Variants in ARL15 observed in about 807,000 individuals in gnomAD.
The protein encoded by ARL15 is ADP-ribosylation factor-like protein 15.
ARL15 carries 19 observed loss-of-function variants against 25.2 expected under a neutral mutation model. The ratio of observed to expected loss-of-function variants is 0.75; its 90% CI spans 0.53 to 1.10. ARL15 has a LOEUF of 1.10. Among genes scored for constraint, ARL15 ranks in the 50% least tolerant of loss-of-function variants. The probability of loss-of-function intolerance (pLI) is 0.00; values close to 1 mark genes in which losing one functional copy is unlikely to be tolerated. For synonymous variants in ARL15, 94 were observed against 86.8 expected, an observed-to-expected ratio of 1.08 and a Z score of -0.46; for missense variants, 220 against 246.0, an observed-to-expected ratio of 0.89 and a Z score of 0.71.
At chr5:54,055,473 G>A (rs944209270) in intron 4 of ARL15, among the ~76,000 whole-genome samples, 1 of 146,212 alleles carries the variant, frequency 6.8e-6, no homozygotes, top group Non-Finnish European at 1.5e-5. Flanking sequence ...CGATTCTCCT[G>A]CCTCAGCCTC....
In ARL15 at chr5:54,255,438, A is replaced by G. The variant is rs534369035; in HGVS notation, c.48+54994T>C. ...AATTAATAATTACTATTAACTTAAT[A>G]AATCCACAAGATACTTTATCTTAGG... On this transcript the variant is annotated intron_variant, in intron 1 of 4. Transcript: ENST00000504924. Among the ~76,000 whole-genome samples the G allele has an allele frequency of 2.6e-5, 4 of 152,360 alleles. No individual in the cohort carries two copies. In the South Asian group the frequency reaches 8.3e-4, roughly 32 times the overall value.
chr5:54,203,219 A>C (rs956303557), intron 1 of ARL15, among the ~76,000 whole-genome samples: 2 of 152,178 alleles, frequency 1.3e-5, no homozygotes, highest in African/African-American at 4.8e-5. Flanking sequence ...TGTAAACCTC[A>C]GAGGACACAA....
intron 4 of ARL15, among the ~76,000 whole-genome samples, chr5:53,915,434 G>C (rs1022854623): frequency 2.0e-5 from 3 of 152,188 alleles, no homozygotes; most frequent in Admixed American, 2.0e-4. Context: ...ACAGAAGAGG[G>C]TGTGAGATTT....
intron 4 of ARL15, among the ~76,000 whole-genome samples, chr5:54,075,073 G>GAAAAATAAAAAAAAAAA (rs1751551781): frequency 1.6e-5 from 1 of 63,926 alleles, no homozygotes; most frequent in Non-Finnish European, 2.8e-5. Flanking sequence ...CAGAATACAG[G>GAAAAATAAAAAAAAAAA]AAAAAAAAAA....
intron 3 of ARL15, among the ~76,000 whole-genome samples, chr5:54,128,753 T>C (rs1753342088): frequency 6.8e-6 from 1 of 147,874 alleles, no homozygotes; most frequent in African/African-American, 2.5e-5. Context: ...TCGCCCAGAC[T>C]GTAGTGCAAT....
At position 54,162,559 on chromosome 5, in the gene ARL15, C is replaced by T. The variant is rs903595456; in HGVS notation, c.194-7920G>A. The stretch of plus-strand genomic sequence containing the variant: ...TAATAACATCCTACCTGAGTTATGA[C>T]GTTTACTTATATATGGACCTCTGCA... On this transcript the variant is annotated intron_variant, in intron 2 of 4. Transcript: ENST00000504924. 4.6e-5 allele frequency among the ~76,000 whole-genome samples: 7 copies of T among 152,118 alleles called. No individual in the cohort carries two copies. In the South Asian group the frequency reaches 6.2e-4, roughly 14 times the overall value.
chr5:54,222,662 A>C (rs1458308786), intron 1 of ARL15, among the ~76,000 whole-genome samples: 5 of 152,138 alleles, frequency 3.3e-5, no homozygotes, highest in Non-Finnish European at 5.9e-5. Context: ...CTTCTTTCCC[A>C]TTCCACTCTC....
At chr5:54,232,801 C>T (rs534822437) in intron 1 of ARL15, among the ~76,000 whole-genome samples, 8 of 152,254 alleles carry the variant, frequency 5.3e-5, no homozygotes, top group South Asian at 2.1e-4. Flanking sequence ...GCCCCTTGTT[C>T]GGCTGACACT....
chr5:54,039,159 C>A (rs181064601), intron 4 of ARL15, among the ~76,000 whole-genome samples: 341 of 152,246 alleles, frequency 2.2e-3, no homozygotes, highest in African/African-American at 7.8e-3. Context: ...CATGCATGTA[C>A]GTAGGCATCC....
intron 4 of ARL15, among the ~76,000 whole-genome samples, chr5:53,964,509 A>G (rs7708629): frequency 0.032 from 4,823 of 152,072 alleles, 280 homozygotes; most frequent in African/African-American, 0.11. Flanking sequence ...ACAGGCGCCC[A>G]CCACCATGCC....
intron 4 of ARL15, among the ~76,000 whole-genome samples, chr5:54,009,313 T>C (rs1041192898): frequency 1.3e-5 from 2 of 152,216 alleles, no homozygotes; most frequent in Non-Finnish European, 2.9e-5. Flanking sequence ...CTCCTTTTCC[T>C]CCACCCAACA....
At chr5:54,123,927 G>C (rs980839586) in intron 3 of ARL15, among the ~76,000 whole-genome samples, 1 of 152,140 alleles carries the variant, frequency 6.6e-6, no homozygotes, top group Non-Finnish European at 1.5e-5. Flanking sequence ...AAGGAGTAGG[G>C]ATCAATGCAC....
At chr5:53,939,742 AT>A (rs200375592) in intron 4 of ARL15, among the ~76,000 whole-genome samples, 15 of 151,408 alleles carry the variant, frequency 9.9e-5, no homozygotes, top group Admixed American at 7.2e-4. Flanking sequence ...TCAAAAAAAA[AT>A]AAAATAAAAT....
At chr5:54,276,070 T>C (rs1757921922) in intron 1 of ARL15, among the ~76,000 whole-genome samples, 1 of 152,120 alleles carries the variant, frequency 6.6e-6, no homozygotes, top group South Asian at 2.1e-4. Context: ...TGGATTTTTA[T>C]ATGAGAAACT....
chr5:53,921,889 C>A (rs1244374844), intron 4 of ARL15, among the ~76,000 whole-genome samples: 1 of 152,250 alleles, frequency 6.6e-6, no homozygotes, highest in African/African-American at 2.4e-5. Context: ...ATTCTCAACA[C>A]TGAGCTATTC....
At chr5:54,106,950 T>C (rs1409478203) in intron 4 of ARL15, among the ~76,000 whole-genome samples, 1 of 152,160 alleles carries the variant, frequency 6.6e-6, no homozygotes, top group Non-Finnish European at 1.5e-5. Flanking sequence ...CCTGATGTAA[T>C]ACATCATCTT....
chr5:54,102,296 G>A (rs2112181645), intron 4 of ARL15, among the ~76,000 whole-genome samples: 1 of 152,246 alleles, frequency 6.6e-6, no homozygotes, highest in East Asian at 1.9e-4. Context: ...ACAGGTGTGA[G>A]TCACCATGTC....
At chr5:54,160,578 A>C (rs1169249461) in intron 2 of ARL15, among the ~76,000 whole-genome samples, 1 of 152,206 alleles carries the variant, frequency 6.6e-6, no homozygotes, top group African/African-American at 2.4e-5. Context: ...AAAGGAATTC[A>C]GTCTGGATAG....
intron 4 of ARL15, among the ~76,000 whole-genome samples, chr5:53,902,049 A>AG (rs1365334453): frequency 8.5e-5 from 13 of 152,228 alleles, no homozygotes; most frequent in Admixed American, 3.9e-4. Flanking sequence ...CATCCCTCTA[A>AG]GACCTTACAA....
Sources: allele counts gnomAD v4.1 joint callset (sites outside exome capture counted in the v4.1 genomes callset), GRCh38; gene constraint gnomAD v4.1.1; transcripts MANE v1.5; gene names NCBI Gene and HGNC (gene_info 2026-07-23, HGNC 2026-07-21).